Variants in ZBTB20 observed in about 807,000 individuals in gnomAD.
ZBTB20 encodes the protein zinc finger and BTB domain-containing protein 20.
ZBTB20 carries 9 observed loss-of-function variants against 56.9 expected under a neutral mutation model. The ratio of observed to expected loss-of-function variants is 0.16; its 90% CI spans 0.10 to 0.28. The LOEUF (loss-of-function observed/expected upper bound fraction) is 0.28. ZBTB20 is among the 10% of genes least tolerant of loss of function. The probability of loss-of-function intolerance (pLI) is 1.00; values close to 1 mark genes in which losing one functional copy is unlikely to be tolerated. For synonymous variants in ZBTB20, 417 were observed against 420.7 expected, an observed-to-expected ratio of 0.99 and a Z score of 0.11; for missense variants, 655 against 1,003.0, an observed-to-expected ratio of 0.65 and a Z score of 4.69.
chr3:114,316,297 A>T lies in ZBTB20; in HGVS notation c.*22708T>A, dbSNP rs1435698542. The stretch of plus-strand genomic sequence containing the variant: ...TTTTCCTTGTTACAATCCATTCTTT[A>T]TGAACATACAGAAATGACCAAAGTC... On this transcript the variant is annotated 3_prime_UTR_variant, in exon 12 of 12. Transcript: ENST00000675478. The T allele has an allele frequency of 2.7e-6, 1 of 365,614 alleles. No homozygotes were observed. Among genetic ancestry groups the T allele is most frequent in the Non-Finnish European group, 5.2e-6 (1 of 193,950 alleles). The allele number at this position is 365,614 out of a possible 1,614,324, so 22.6% of individuals were successfully genotyped here. A position where few individuals can be genotyped will look rare whatever the true frequency, so the allele number is the denominator to read the frequency against.
chr3:115,105,494 G>C (rs950804150), intron 1 of ZBTB20, among the ~76,000 whole-genome samples: 1 of 152,132 alleles, frequency 6.6e-6, no homozygotes, highest in Non-Finnish European at 1.5e-5. Context: ...CCATGACTCT[G>C]TGGTTGTGAG....
chr3:114,709,921 A>G (rs1179573382), intron 5 of ZBTB20, among the ~76,000 whole-genome samples: 1 of 152,174 alleles, frequency 6.6e-6, no homozygotes, highest in East Asian at 1.9e-4. Context: ...TTATGACTTT[A>G]TATCTTGAAT....
intron 2 of ZBTB20, among the ~76,000 whole-genome samples, chr3:115,007,987 A>G (rs2079546667): frequency 6.6e-6 from 1 of 151,382 alleles, no homozygotes; most frequent in African/African-American, 2.4e-5. Context: ...GACCCTATAT[A>G]TGGGTTCTTC....
At position 114,332,070 on chromosome 3, in the gene ZBTB20, T is replaced by G. The variant is rs1245311688; in HGVS notation, c.*6935A>C. The G allele has an allele frequency of 1.3e-5, 2 of 148,756 alleles. No homozygotes were observed. Among genetic ancestry groups the G allele is most frequent in the East Asian group, 1.9e-4 (1 of 5,152 alleles). 9.2% of individuals were successfully genotyped at this position (148,756 alleles called of 1,614,324 possible). A position where few individuals can be genotyped will look rare whatever the true frequency, so the allele number is the denominator to read the frequency against. On this transcript the variant is annotated 3_prime_UTR_variant, in exon 12 of 12. Transcript: ENST00000675478. ...AGATGCCCCCAAGGTTTTTTTTTTT[T>G]TTTTTTTTTTTTTCTCTCTTGGATG...
At chr3:114,787,827 G>A (rs2108796825) in intron 5 of ZBTB20, among the ~76,000 whole-genome samples, 1 of 152,132 alleles carries the variant, frequency 6.6e-6, no homozygotes, top group Non-Finnish European at 1.5e-5. Context: ...AAGATAATTT[G>A]GTAAGAGATA....
chr3:114,620,073 G>A (rs777593599), intron 6 of ZBTB20, among the ~76,000 whole-genome samples: 1 of 152,120 alleles, frequency 6.6e-6, no homozygotes, highest in Non-Finnish European at 1.5e-5. Context: ...CTGGATATTC[G>A]GTCACCCTCA....
intron 3 of ZBTB20, among the ~76,000 whole-genome samples, chr3:114,959,391 C>A (rs1165036656): frequency 6.6e-6 from 1 of 151,950 alleles, no homozygotes; most frequent in Admixed American, 6.6e-5. Context: ...GAAGGCAGAT[C>A]ACATAGTGGA....
intron 5 of ZBTB20, among the ~76,000 whole-genome samples, chr3:114,762,226 T>C (rs1283514504): frequency 2.0e-5 from 3 of 152,208 alleles, no homozygotes; most frequent in African/African-American, 7.2e-5. Flanking sequence ...TATTACATTG[T>C]ATTTAATGTA....
chr3:114,607,680 A>T (rs1212270049), intron 6 of ZBTB20, among the ~76,000 whole-genome samples: 3 of 152,204 alleles, frequency 2.0e-5, no homozygotes. Context: ...AACCCTTGTC[A>T]ATAATTCTCC....
chr3:114,696,703 A>G lies in ZBTB20; in HGVS notation c.-342-3128T>C, dbSNP rs1293525008. 2.0e-5 allele frequency among the ~76,000 whole-genome samples: 3 copies of G among 152,088 alleles called. No individual in the cohort carries two copies. In the East Asian group the frequency reaches 5.8e-4, roughly 29 times the overall value. On this transcript the variant is annotated intron_variant, in intron 5 of 11. Coordinates refer to ENST00000675478, the MANE Select transcript of ZBTB20 (RefSeq NM_001348800.3). ...GGGATGAAGGACTTATAAATTGCAT[A>G]CAAATCTCACTGTGCTCCCACTTAA...
chr3:114,533,119 C>T (rs1399669273), intron 6 of ZBTB20, among the ~76,000 whole-genome samples: 3 of 151,948 alleles, frequency 2.0e-5, no homozygotes, highest in African/African-American at 7.3e-5. Flanking sequence ...AGCAAGGGAA[C>T]AAAACTGGAT....
chr3:115,007,453 T>C (rs1047487173), intron 2 of ZBTB20, among the ~76,000 whole-genome samples: 4 of 151,908 alleles, frequency 2.6e-5, no homozygotes, highest in Non-Finnish European at 4.4e-5. Context: ...TTACTCATAA[T>C]AAGCTGTTCA....
chr3:114,593,788 C>T (rs1032608299), intron 6 of ZBTB20, among the ~76,000 whole-genome samples: 41 of 152,234 alleles, frequency 2.7e-4, no homozygotes, highest in African/African-American at 6.7e-4. Flanking sequence ...GTGGGTCTCT[C>T]TGTTGAGTGG....
chr3:114,886,063 T>C (rs2076588792), intron 4 of ZBTB20, among the ~76,000 whole-genome samples: 1 of 152,312 alleles, frequency 6.6e-6, no homozygotes, highest in East Asian at 1.9e-4. Flanking sequence ...ATGGTTTACT[T>C]CACCTTCTGC....
intron 10 of ZBTB20, among the ~76,000 whole-genome samples, chr3:114,365,583 A>T (rs567553758): frequency 1.3e-4 from 20 of 152,262 alleles, no homozygotes; most frequent in African/African-American, 4.8e-4. Flanking sequence ...CAAAGATTAG[A>T]CCCAGGAAAA....
chr3:115,052,114 C>T (rs929375715), intron 2 of ZBTB20, among the ~76,000 whole-genome samples: 13 of 152,022 alleles, frequency 8.6e-5, no homozygotes, highest in African/African-American at 2.4e-4. Context: ...CAGTGAAATC[C>T]TAATTGATGA....
chr3:114,892,799 T>C (rs1450445140), intron 4 of ZBTB20, among the ~76,000 whole-genome samples: 2 of 152,210 alleles, frequency 1.3e-5, no homozygotes, highest in Non-Finnish European at 1.5e-5. Context: ...ACTTTGTCTA[T>C]CCTGATGGAC....
At chr3:114,691,082 A>C (rs1048653189) in intron 6 of ZBTB20, among the ~76,000 whole-genome samples, 2 of 152,190 alleles carry the variant, frequency 1.3e-5, no homozygotes, top group Non-Finnish European at 2.9e-5. Flanking sequence ...TTCTCTAGGC[A>C]ACCAAATTGC....
chr3:114,466,017 T>A (rs558284369), intron 7 of ZBTB20, among the ~76,000 whole-genome samples: 1 of 152,082 alleles, frequency 6.6e-6, no homozygotes, highest in Admixed American at 6.6e-5. Flanking sequence ...TTTAAGCATA[T>A]ATATATATAT....
Sources: allele counts gnomAD v4.1 joint callset (sites outside exome capture counted in the v4.1 genomes callset), GRCh38; gene constraint gnomAD v4.1.1; transcripts MANE v1.5; gene names NCBI Gene and HGNC (gene_info 2026-07-23, HGNC 2026-07-21).